Variants in DLC1 observed in about 807,000 individuals in gnomAD.
DLC1 encodes DLC1 Rho GTPase activating protein.
Under a neutral mutation model 140.3 loss-of-function variants are expected in DLC1, and 54 were observed. That is an observed-to-expected ratio of 0.38 (90% confidence interval 0.31 to 0.48). The LOEUF (loss-of-function observed/expected upper bound fraction) is 0.48. Ranked by LOEUF, DLC1 falls within the 20% of genes least tolerant of loss-of-function variation. DLC1 has a pLI of 0.96. For missense variants in DLC1, 2,536 were observed against 1,907.0 expected (o/e 1.33, Z -6.14); for synonymous variants, 986 against 728.1 (o/e 1.35, Z -5.70).
At chr8:13,413,115 T>G (rs952657456) in intron 2 of DLC1, among the ~76,000 whole-genome samples, 7 of 151,902 alleles carry the variant, frequency 4.6e-5, no homozygotes, top group Non-Finnish European at 1.0e-4. Flanking sequence ...AGGAAAGTGT[T>G]CTATAGAGAG....
chr8:13,563,466 T>C (rs1427542158), intron 1 of DLC1, among the ~76,000 whole-genome samples: 1 of 152,112 alleles, frequency 6.6e-6, no homozygotes, highest in East Asian at 1.9e-4. Flanking sequence ...AAATCATGAG[T>C]GATGTAAGAT....
chr8:13,103,839 CAAAA>C (rs1002564334), intron 7 of DLC1, among the ~76,000 whole-genome samples: 8 of 60,808 alleles, frequency 1.3e-4, no homozygotes, highest in African/African-American at 3.0e-4. Flanking sequence ...GACTCCATCT[CAAAA>C]AAAAAAAAAA....
At chr8:13,560,004 G>C (rs1235723531) in intron 1 of DLC1, among the ~76,000 whole-genome samples, 9 of 152,276 alleles carry the variant, frequency 5.9e-5, no homozygotes, top group African/African-American at 1.9e-4. Context: ...TATTGGACTA[G>C]CGTCAGAAAA....
intron 2 of DLC1, among the ~76,000 whole-genome samples, chr8:13,433,026 G>C (rs534050399): frequency 6.7e-6 from 1 of 150,160 alleles, no homozygotes; most frequent in African/African-American, 2.5e-5. Flanking sequence ...GAGTCAGTTT[G>C]GAAGGAACAG....
intron 5 of DLC1, among the ~76,000 whole-genome samples, chr8:13,174,164 C>T (rs1825639289): frequency 6.6e-6 from 1 of 152,186 alleles, no homozygotes; most frequent in Non-Finnish European, 1.5e-5. Context: ...CCTCCAGCTG[C>T]ATCATCCATG....
chr8:13,243,331 ACT>A (rs1829622774), intron 5 of DLC1, among the ~76,000 whole-genome samples: 1 of 142,672 alleles, frequency 7.0e-6, no homozygotes, highest in Non-Finnish European at 1.5e-5. Context: ...GTAGCATTTC[ACT>A]CTTTGTCTCT....
At chr8:13,395,884 A>G (rs1235034128) in intron 3 of DLC1, among the ~76,000 whole-genome samples, 1 of 151,496 alleles carries the variant, frequency 6.6e-6, no homozygotes, top group East Asian at 1.9e-4. Context: ...GACAAACTAC[A>G]TTTTACCCTA....
chr8:13,163,121 C>T (rs1394254929), intron 5 of DLC1, among the ~76,000 whole-genome samples: 3 of 152,122 alleles, frequency 2.0e-5, no homozygotes, highest in African/African-American at 7.2e-5. Context: ...TGGTGGCCCA[C>T]GATTTTAGCC....
chr8:13,230,576 ATTTTTTCTTTTTTC>A (rs1231439924), intron 5 of DLC1, among the ~76,000 whole-genome samples: 1 of 147,282 alleles, frequency 6.8e-6, no homozygotes, highest in Non-Finnish European at 1.5e-5. Flanking sequence ...ATAGATATAG[ATTTTTTCTTTTTTC>A]TTTTTTCTTT....
At chr8:13,563,423 G>T (rs995297682) in intron 1 of DLC1, among the ~76,000 whole-genome samples, 16 of 152,148 alleles carry the variant, frequency 1.1e-4, no homozygotes, top group Non-Finnish European at 1.6e-4. Flanking sequence ...AAAAAATGAT[G>T]TACAGAAACT....
At chr8:13,296,341 G>A (rs1356953811) in intron 5 of DLC1, among the ~76,000 whole-genome samples, 2 of 152,066 alleles carry the variant, frequency 1.3e-5, no homozygotes, top group African/African-American at 2.4e-5. Context: ...TCTTTCTTCT[G>A]AGAAGATTGA....
chr8:13,590,521 C>A (rs941893675), intron 1 of DLC1, among the ~76,000 whole-genome samples: 4 of 152,002 alleles, frequency 2.6e-5, no homozygotes, highest in African/African-American at 4.8e-5. Context: ...GAGGAAGACA[C>A]CAGTGTTTTC....
chr8:13,103,860 GAAA>G (rs1819322996), intron 7 of DLC1, among the ~76,000 whole-genome samples: 1 of 62,036 alleles, frequency 1.6e-5, no homozygotes, highest in Non-Finnish European at 4.9e-5. Context: ...AAAAAAAAAA[GAAA>G]GAAAGAAAAG....
At position 13,221,728 on chromosome 8, in the gene DLC1, A is replaced by G. The variant is rs867036118; in HGVS notation, c.1348+83541T>C. Reference sequence around the variant, plus strand: ...TGTGTGTATATGTGTGTGTGTGTGTATATATATATATATATATGATAAACC... The same window carrying G: ...TGTGTGTATATGTGTGTGTGTGTGTGTATATATATATATATATGATAAACC... On this transcript the variant is annotated intron_variant, in intron 5 of 17. Transcript: ENST00000276297. Among the ~76,000 whole-genome samples, 1,113 of 117,520 alleles carry G rather than the reference A, an allele frequency of 9.5e-3. 6 individuals carry two copies. Among genetic ancestry groups the G allele is most frequent in the South Asian group, 0.038 (120 of 3,176 alleles). The allele number at this position is 117,520 out of a possible 152,430, so 77.1% of individuals were successfully genotyped here.
chr8:13,402,102 G>A (rs1837326060), intron 2 of DLC1, among the ~76,000 whole-genome samples: 1 of 142,300 alleles, frequency 7.0e-6, no homozygotes, highest in Admixed American at 7.2e-5. Context: ...GTTTGTGCAG[G>A]GGAACAGTTT....
At chr8:13,538,867 G>A (rs999333366) in intron 1 of DLC1, among the ~76,000 whole-genome samples, 2 of 152,038 alleles carry the variant, frequency 1.3e-5, no homozygotes, top group Non-Finnish European at 2.9e-5. Context: ...CCCACAGTTC[G>A]GCAGATAGTA....
rs562728424 is a variant in DLC1 at position 13,305,157 on chromosome 8, C to T, written c.1348+112G>A. On this transcript the variant is annotated intron_variant, in intron 5 of 17. Transcript: ENST00000276297. Reference sequence around the variant, plus strand: ...TTTACAGAATTTAAACAACATTTTCCCATATATTCATGAGATGTATACATT... The same window carrying T: ...TTTACAGAATTTAAACAACATTTTCTCATATATTCATGAGATGTATACATT... 7.9e-4 allele frequency: 1,123 copies of T among 1,424,840 alleles called. 7 individuals are homozygous for T. The Middle Eastern group carries it at 0.012, about 16-fold the overall frequency. The allele number at this position is 1,424,840 out of a possible 1,614,324, so 88.3% of individuals were successfully genotyped here.
intron 7 of DLC1, among the ~76,000 whole-genome samples, chr8:13,103,595 T>C (rs1371010385): frequency 6.6e-6 from 1 of 151,734 alleles, no homozygotes; most frequent in Non-Finnish European, 1.5e-5. Flanking sequence ...TCCCAGCACT[T>C]TGGGAGGCCG....
chr8:13,334,054 A>G (rs1586155574), intron 4 of DLC1, among the ~76,000 whole-genome samples: 1 of 152,340 alleles, frequency 6.6e-6, no homozygotes, highest in East Asian at 1.9e-4. Flanking sequence ...GTTAGGAAGA[A>G]GAGAAAATAA....
Sources: gnomAD v4.1 joint callset for allele counts (sites outside exome capture counted in the v4.1 genomes callset) on GRCh38, gnomAD v4.1.1 for gene constraint, MANE v1.5 for transcripts, NCBI Gene and HGNC (gene_info 2026-07-23, HGNC 2026-07-21) for gene names.